The following PTP4A3 variants were observed in gnomAD, a reference collection of about 807,000 sequenced individuals.
PTP4A3 encodes protein tyrosine phosphatase type IVA 3.
Under a neutral mutation model 15.2 loss-of-function variants are expected in PTP4A3, and 9 were observed. The observed-to-expected ratio is 0.59, with a 90% confidence interval of 0.36 to 1.03. The LOEUF (loss-of-function observed/expected upper bound fraction) is 1.03, where lower values mean the gene tolerates loss of function less well. Among genes scored for constraint, PTP4A3 ranks in the 50% least tolerant of loss-of-function variants. The probability of loss-of-function intolerance (pLI) is 0.02; values close to 1 mark genes in which losing one functional copy is unlikely to be tolerated. For missense variants in PTP4A3, 234 were observed against 252.1 expected (o/e 0.93, Z 0.49); for synonymous variants, 95 against 102.0 (o/e 0.93, Z 0.41).
chr8:141,430,765 ACT>A (rs1427439247), intron 5 of PTP4A3, among the ~76,000 whole-genome samples, 160 bp from the exon 6 acceptor site: 1 of 151,668 alleles, frequency 6.6e-6, no homozygotes, highest in Non-Finnish European at 1.5e-5. Context: ...GGTGACTGTG[ACT>A]CTGGGAGCAG....
At chr8:141,424,420 G>A (rs571435631) in intron 2 of PTP4A3, among the ~76,000 whole-genome samples, 1 of 152,216 alleles carries the variant, frequency 6.6e-6, no homozygotes, top group African/African-American at 2.4e-5. Flanking sequence ...CATCTGAGCG[G>A]TGCCCACCCT....
chr8:141,407,415 T>C (rs541620683), intron 1 of PTP4A3, among the ~76,000 whole-genome samples: 2 of 152,168 alleles, frequency 1.3e-5, no homozygotes, highest in South Asian at 4.2e-4. Context: ...TCCCTGAGGG[T>C]AAAATTCAGA....
intron 1 of PTP4A3, among the ~76,000 whole-genome samples, chr8:141,407,305 C>T (rs1386892482): frequency 6.6e-6 from 1 of 152,232 alleles, no homozygotes; most frequent in Admixed American, 6.5e-5. Context: ...CTGGTAGGAC[C>T]TCAACCTCCC....
intron 4 of PTP4A3, among the ~76,000 whole-genome samples, chr8:141,427,462 A>G (rs1007009234): frequency 1.3e-5 from 2 of 152,208 alleles, no homozygotes; most frequent in Non-Finnish European, 2.9e-5. Flanking sequence ...AGGGAGACCC[A>G]GGCGAGCAGA....
intron 1 of PTP4A3, among the ~76,000 whole-genome samples, chr8:141,405,404 C>G (rs976342963): frequency 6.6e-6 from 1 of 152,222 alleles, no homozygotes; most frequent in Admixed American, 6.5e-5. Flanking sequence ...AGGTCGGAGC[C>G]AGTTTTCCCC....
chr8:141,422,409 C>T (rs1473777236), intron 2 of PTP4A3, 64 bp downstream of exon 2: 5 of 1,580,802 alleles, frequency 3.2e-6, no homozygotes, highest in African/African-American at 1.3e-5. Flanking sequence ...GGCTGAGCTG[C>T]CCTCAGGCCT....
chr8:141,428,916 G>T (rs543678493), intron 5 of PTP4A3, among the ~76,000 whole-genome samples: 7 of 152,316 alleles, frequency 4.6e-5, no homozygotes, highest in African/African-American at 1.7e-4. Flanking sequence ...ACTCATACAT[G>T]ACATGCACTC....
intron 1 of PTP4A3, among the ~76,000 whole-genome samples, chr8:141,396,716 C>G: frequency 6.6e-6 from 1 of 152,262 alleles, no homozygotes; most frequent in East Asian, 1.9e-4. Flanking sequence ...ACGGTGGCCT[C>G]GGGAAGGGCT....
intron 1 of PTP4A3, among the ~76,000 whole-genome samples, chr8:141,409,861 C>T (rs946461342): frequency 1.3e-5 from 2 of 152,256 alleles, no homozygotes; most frequent in African/African-American, 2.4e-5. Flanking sequence ...GGGTGCCCAG[C>T]GGTGCCTGCG....
intron 2 of PTP4A3, among the ~76,000 whole-genome samples, chr8:141,422,945 C>A (rs1833404070): frequency 2.6e-5 from 4 of 152,342 alleles, no homozygotes; most frequent in Admixed American, 2.6e-4. Context: ...TCTGGAGCGA[C>A]CTGCATGGCC....
rs1833857252 is a variant in PTP4A3, at chr8:141,431,160, C to G, written c.*116C>G. On this transcript the variant is annotated 3_prime_UTR_variant, in exon 6 of 6. Transcript: ENST00000521578. ...CAGGGGCTCCAGGCCTTGGCTGGCCCCACATCGCCTTTTCCTCCCCGACAC... is the reference window on the plus strand; with the variant it reads ...CAGGGGCTCCAGGCCTTGGCTGGCCGCACATCGCCTTTTCCTCCCCGACAC... 1 of 977,420 alleles carries G rather than the reference C, an allele frequency of 1.0e-6. No individual in the cohort carries two copies. Among genetic ancestry groups the G allele is most frequent in the Non-Finnish European group, 1.6e-6 (1 of 635,426 alleles). 60.5% of individuals were successfully genotyped at this position (977,420 alleles called of 1,614,324 possible).
In PTP4A3 at chr8:141,425,088, G is replaced by A. The variant is rs759669427; in HGVS notation, c.146G>A (p.Cys49Tyr). 6.2e-7 allele frequency: 1 copy of A among 1,609,490 alleles called. No homozygotes were observed. Among genetic ancestry groups the A allele is most frequent in the Non-Finnish European group, 8.5e-7 (1 of 1,177,438 alleles). ...KYGATTVVRV[C>Y]EVTYDKTPLE... ...GGGGCTACCACTGTGGTGCGTGTGT[G>A]TGAAGTGACCTATGACAAAACGCCG... The change falls in exon 3 of 6, where the codon TGT becomes TAT. Residue 49 changes from cysteine to tyrosine, a missense_variant. By Grantham distance (194) the Cys-to-Tyr change is radical. Transcript: ENST00000521578. The surrounding 1 kb of genome is among the most constrained non-coding windows in gnomAD (Gnocchi z 4.2).
At chr8:141,405,814 G>A (rs1012564957) in intron 1 of PTP4A3, among the ~76,000 whole-genome samples, 2 of 152,068 alleles carry the variant, frequency 1.3e-5, no homozygotes, top group Non-Finnish European at 2.9e-5. Context: ...CCTGAGATCC[G>A]AGTGGTAAGA....
Position 141,427,157 on chromosome 8 carries a change from AAC to A in PTP4A3, c.329+93_329+94del. ...GCCTCGCTTTTGGATGTGGGTCTTG[AAC>A]ACACGTCCACGCGACCTTCCCAGGA... On this transcript the variant is annotated intron_variant, in intron 4 of 5. Coordinates refer to ENST00000521578, the MANE Select transcript of PTP4A3 (RefSeq NM_032611.3). The A allele has an allele frequency of 2.0e-6, 3 of 1,535,066 alleles. No homozygotes were observed. The East Asian group carries it at 6.9e-5, about 35-fold the overall frequency.
intron 2 of PTP4A3, 128 bp from the exon 3 acceptor site, chr8:141,424,920 G>A: frequency 1.3e-6 from 1 of 760,996 alleles, no homozygotes; most frequent in Non-Finnish European, 2.2e-6. Context: ...AGGTCTGAGG[G>A]GACATGTCCA....
Position 141,422,766 on chromosome 8 carries a change from A to G in PTP4A3, c.105+421A>G, listed in dbSNP as rs550184766. 3.3e-5 allele frequency among the ~76,000 whole-genome samples: 5 copies of G among 152,190 alleles called. No homozygotes were observed. In the East Asian group the frequency reaches 7.7e-4, roughly 24 times the overall value. Reference sequence around the variant, plus strand: ...GCCTCAGGTTAGACCAGGCTGGACTAGGGGCTTCAGGGCCCAGATCTCTGT... The same window carrying G: ...GCCTCAGGTTAGACCAGGCTGGACTGGGGGCTTCAGGGCCCAGATCTCTGT... On this transcript the variant is annotated intron_variant, in intron 2 of 5. Coordinates refer to ENST00000521578, the MANE Select transcript of PTP4A3 (RefSeq NM_032611.3).
rs192652358 is a variant in PTP4A3 at position 141,401,087 on chromosome 8, T to C, written c.-854+9003T>C. On this transcript the variant is annotated intron_variant, in intron 1 of 5. Coordinates refer to ENST00000521578, the MANE Select transcript of PTP4A3 (RefSeq NM_032611.3). ...CTTAATGGCACCGTCGCGAGCCTCT[T>C]CTGGGCCAGCAGCCGGAGCTCACCC... is the stretch of plus-strand genomic sequence containing the variant. 2.7e-4 allele frequency among the ~76,000 whole-genome samples: 41 copies of C among 152,206 alleles called. No homozygotes were observed. The East Asian group carries it at 6.6e-3, about 24-fold the overall frequency.
At chr8:141,426,456 C>T (rs1030101321) in intron 3 of PTP4A3, 1 of 985,332 alleles carries the variant, frequency 1.0e-6, no homozygotes, top group Non-Finnish European at 1.2e-6. Flanking sequence ...GCCCCACAGC[C>T]CTGTCTTCAG....
chr8:141,427,747 C>T lies in PTP4A3; in HGVS notation c.330-3C>T. On this transcript the variant is annotated splice_polypyrimidine_tract_variant and splice_region_variant and intron_variant, in intron 4 of 5. Coordinates refer to ENST00000521578, the MANE Select transcript of PTP4A3 (RefSeq NM_032611.3). ...TGACCCCCGCCCTGCTGTTTGCCCC[C>T]AGGGCTCCAGTCCTTGTGGCGCTGG... 1 of 1,550,318 alleles carries T rather than the reference C, an allele frequency of 6.5e-7. No individual in the cohort carries two copies. Among genetic ancestry groups the T allele is most frequent in the Non-Finnish European group, 8.7e-7 (1 of 1,146,866 alleles).
Sources: allele counts gnomAD v4.1 joint callset (sites outside exome capture counted in the v4.1 genomes callset), GRCh38; gene constraint gnomAD v4.1.1; non-coding constraint Gnocchi (gnomAD v3.1); transcripts MANE v1.5; gene names NCBI Gene and HGNC (gene_info 2026-07-23, HGNC 2026-07-21).